The following ARMH4 variants were observed in gnomAD, a reference collection of about 807,000 sequenced individuals.
The protein encoded by ARMH4 is armadillo like helical domain containing 4, also known as armadillo-like helical domain-containing protein 4.
Under a neutral mutation model 61.9 loss-of-function variants are expected in ARMH4, and 49 were observed. The observed-to-expected ratio is 0.79, with a 90% CI of 0.63 to 1.00. The LOEUF (loss-of-function observed/expected upper bound fraction) is 1.00. Ranked by LOEUF, ARMH4 falls within the 50% of genes least tolerant of loss-of-function variation. The probability of loss-of-function intolerance (pLI) is 0.00; values close to 1 mark genes in which losing one functional copy is unlikely to be tolerated. For synonymous variants in ARMH4, 368 were observed against 341.5 expected, an observed-to-expected ratio of 1.08 and a Z score of -0.85; for missense variants, 934 against 930.0, an observed-to-expected ratio of 1.00 and a Z score of -0.06.
chr14:58,132,976 T>TGCAC, intron 3 of ARMH4, 114 bp downstream of exon 3: 2 of 1,076,012 alleles, frequency 1.9e-6, no homozygotes, highest in East Asian at 2.4e-5. Context: ...TGTGTGTACG[T>TGCAC]GCACGCACGC....
chr14:58,099,592 AC>A (rs779267721), intron 4 of ARMH4, among the ~76,000 whole-genome samples: 95 of 152,356 alleles, frequency 6.2e-4, no homozygotes, highest in Admixed American at 2.0e-3. Flanking sequence ...CAACAAACAA[AC>A]AAAAAATTCT....
rs771863911 is a variant in ARMH4 at position 58,133,235 on chromosome 14, G to A, written c.1476C>T (p.Gly492=). ...VATLELIRDS[G]KTEEEKEDPS... is the part of the protein sequence containing the mutation. Reference sequence around the variant, plus strand: ...GGTCCTCCTTTTCTTCCTCAGTCTTGCCACTGTCTCTGATAAGCTCGAGGG... The same window carrying A: ...GGTCCTCCTTTTCTTCCTCAGTCTTACCACTGTCTCTGATAAGCTCGAGGG... Residue 492 remains glycine, a synonymous_variant, in exon 3 of 8, where the codon GGC becomes GGT. Transcript: ENST00000267485. The A allele has an allele frequency of 6.2e-7, 1 of 1,614,126 alleles. No homozygotes were observed. Among genetic ancestry groups the A allele is most frequent in the Non-Finnish European group, 8.5e-7 (1 of 1,180,042 alleles).
intron 5 of ARMH4, among the ~76,000 whole-genome samples, chr14:58,028,495 C>T (rs1411650420): frequency 6.6e-6 from 1 of 152,186 alleles, no homozygotes; most frequent in East Asian, 1.9e-4. Flanking sequence ...TGATGTTCCC[C>T]TGGCTTGCTG....
chr14:58,131,710 T>C lies in ARMH4; in HGVS notation c.1633A>G (p.Thr545Ala). 3.1e-6 allele frequency: 5 copies of C among 1,612,778 alleles called. No individual in the cohort carries two copies. Among genetic ancestry groups the C allele is most frequent in the Non-Finnish European group, 4.2e-6 (5 of 1,179,898 alleles). The change falls in exon 4 of 8, where the codon ACA becomes GCA. Residue 545 changes from threonine to alanine, a missense_variant. Coordinates refer to ENST00000267485, the MANE Select transcript of ARMH4 (RefSeq NM_001001872.4). Reference protein sequence around the residue: ...VTPTVEEQMDTVTGPNEEFTP... With the variant: ...VTPTVEEQMDAVTGPNEEFTP... ...AACTCCTCATTTGGCCCTGTGACTG[T>C]GTCCATTTGTTCTGCCAAACACAAC...
At chr14:58,041,859 A>T (rs994671396) in intron 5 of ARMH4, among the ~76,000 whole-genome samples, 2 of 152,240 alleles carry the variant, frequency 1.3e-5, no homozygotes, top group African/African-American at 4.8e-5. Context: ...AGGCCATTAC[A>T]TAATGGTAAA....
intron 1 of ARMH4, chr14:58,141,560 T>G: frequency 2.0e-6 from 1 of 511,108 alleles, no homozygotes; most frequent in South Asian, 1.5e-5. Context: ...TGCGACGAGA[T>G]GATCTGCTGC....
intron 1 of ARMH4, among the ~76,000 whole-genome samples, chr14:58,140,525 G>A (rs1275235120): frequency 2.6e-5 from 4 of 152,018 alleles, no homozygotes; most frequent in African/African-American, 9.7e-5. Context: ...AGGTTGCAGT[G>A]AGCTGAGATC....
At chr14:58,105,731 T>G (rs771011548) in intron 4 of ARMH4, among the ~76,000 whole-genome samples, 3 of 151,958 alleles carry the variant, frequency 2.0e-5, no homozygotes, top group African/African-American at 4.8e-5. Flanking sequence ...TAATTGATCT[T>G]GGTTTACTAT....
intron 5 of ARMH4, among the ~76,000 whole-genome samples, chr14:58,025,147 G>A (rs920871943): frequency 6.6e-6 from 1 of 152,088 alleles, no homozygotes; most frequent in African/African-American, 2.4e-5. Context: ...GTTCAATAAA[G>A]TGAAGGGAAA....
At chr14:58,102,048 A>G (rs1318036816) in intron 4 of ARMH4, among the ~76,000 whole-genome samples, 3 of 152,208 alleles carry the variant, frequency 2.0e-5, no homozygotes, top group Admixed American at 2.0e-4. Flanking sequence ...GCATGAGCAC[A>G]TGAGCTGAAA....
In ARMH4 at chr14:58,121,513, C is replaced by A. The variant is rs561480189; in HGVS notation, c.1831+9999G>T. 9.8e-5 allele frequency among the ~76,000 whole-genome samples: 15 copies of A among 152,316 alleles called. No homozygotes were observed. In the East Asian group the frequency reaches 2.5e-3, roughly 25 times the overall value. ...TTTCTTCAACAGCAGAATTTGTGAA[C>A]ACAGCTTTATGGCAATACCTCACAA... On this transcript the variant is annotated intron_variant, in intron 4 of 7. Transcript: ENST00000267485.
chr14:58,072,612 CTCAGGAGGTTGAG>C (rs548572943), intron 5 of ARMH4, among the ~76,000 whole-genome samples: 2 of 152,032 alleles, frequency 1.3e-5, no homozygotes, highest in East Asian at 3.9e-4. Flanking sequence ...ATCCCAGCTA[CTCAGGAGGTTGAG>C]GCAGGAGAAT....
intron 1 of ARMH4, among the ~76,000 whole-genome samples, chr14:58,146,311 AC>A (rs1018809831): frequency 2.0e-5 from 3 of 152,254 alleles, no homozygotes; most frequent in Non-Finnish European, 4.4e-5. Flanking sequence ...TAACAAACAA[AC>A]AAAAAGAACA....
intron 6 of ARMH4, among the ~76,000 whole-genome samples, chr14:58,008,722 G>T (rs1439520924): frequency 2.6e-5 from 4 of 152,186 alleles, no homozygotes. Flanking sequence ...GTTCCTGGGA[G>T]GTATGTCTAT....
intron 5 of ARMH4, among the ~76,000 whole-genome samples, chr14:58,024,980 T>C (rs1882973875): frequency 6.6e-6 from 1 of 152,150 alleles, no homozygotes; most frequent in East Asian, 1.9e-4. Flanking sequence ...ATGATAGATA[T>C]AATAATAATG....
At chr14:58,044,151 T>C (rs150524375) in intron 5 of ARMH4, among the ~76,000 whole-genome samples, 36,307 of 151,924 alleles carry the variant, frequency 0.24, 4,777 homozygotes, top group Non-Finnish European at 0.3. Flanking sequence ...GAGCCCGCAT[T>C]GCCAAATCAA....
rs1178665775 is a variant in ARMH4 at position 58,086,773 on chromosome 14, T to C, written c.2089+9951A>G. On this transcript the variant is annotated intron_variant, in intron 5 of 7. Coordinates refer to ENST00000267485, the MANE Select transcript of ARMH4 (RefSeq NM_001001872.4). ...GATAGTGCAGTGAATAGAAATTAAA[T>C]AATACTGACAAATGACTGGAAGAAT... 2.0e-5 allele frequency among the ~76,000 whole-genome samples: 3 copies of C among 152,218 alleles called. No individual in the cohort carries two copies. The South Asian group carries it at 6.2e-4, about 32-fold the overall frequency.
chr14:58,129,823 T>C (rs1887027649), intron 4 of ARMH4, among the ~76,000 whole-genome samples: 1 of 152,206 alleles, frequency 6.6e-6, no homozygotes, highest in South Asian at 2.1e-4. Flanking sequence ...CCCGACAATG[T>C]AGCAAAAATA....
In ARMH4 at chr14:58,007,052, T is replaced by C. The variant is rs567246074; in HGVS notation, c.2122-1870A>G. ...GAAAATACTGAACAACATCAAAGTG[T>C]TGGTGCTCACACAAGAACTGTGAAT... is the stretch of plus-strand genomic sequence containing the variant. On this transcript the variant is annotated intron_variant, in intron 6 of 7. Transcript: ENST00000267485. Among the ~76,000 whole-genome samples the C allele has an allele frequency of 3.9e-5, 6 of 152,342 alleles. No individual in the cohort carries two copies. In the East Asian group the frequency reaches 7.7e-4, roughly 20 times the overall value.
Sources: allele counts gnomAD v4.1 joint callset (sites outside exome capture counted in the v4.1 genomes callset), GRCh38; gene constraint gnomAD v4.1.1; transcripts MANE v1.5; gene names NCBI Gene and HGNC (gene_info 2026-07-23, HGNC 2026-07-21).